DCLK2: variants seen among roughly 807,000 people sequenced by gnomAD.
DCLK2 encodes serine/threonine-protein kinase DCLK2.
In DCLK2, 31 loss-of-function variants were observed where a neutral mutation model predicts 78.4. That is an observed-to-expected ratio of 0.40 (90% CI 0.30 to 0.53). The LOEUF is 0.53. DCLK2 is among the 20% of genes least tolerant of loss of function. DCLK2 has a pLI of 0.61. For missense variants in DCLK2, 872 were observed against 973.7 expected, an observed-to-expected ratio of 0.90 and a Z score of 1.39; for synonymous variants, 407 against 374.9, an observed-to-expected ratio of 1.09 and a Z score of -0.99.
chr4:150,090,379 C>T (rs1009437200), intron 1 of DCLK2, among the ~76,000 whole-genome samples: 1 of 152,176 alleles, frequency 6.6e-6, no homozygotes, highest in Admixed American at 6.5e-5. Flanking sequence ...ACACTCCACT[C>T]CAGCCTGGGC....
rs1235793482 is a variant in DCLK2 at position 150,253,488 on chromosome 4, T to TTAC, written c.2074-2531_2074-2530insACT. On this transcript the variant is annotated intron_variant, in intron 15 of 15. Transcript: ENST00000296550. ...TTGTTTGACAGTTTGATTTGACAGTTTGAGAGGCACCTCAGAGTTTCCTTC... is the reference window on the plus strand; with the variant it reads ...TTGTTTGACAGTTTGATTTGACAGTTTACTGAGAGGCACCTCAGAGTTTCCTTC... The TTAC allele has an allele frequency of 9.3e-6, 12 of 1,289,666 alleles. No homozygotes were observed. The South Asian group carries it at 1.5e-4, about 16-fold the overall frequency. 79.9% of individuals were successfully genotyped at this position (1,289,666 alleles called of 1,614,324 possible). A position where few individuals can be genotyped will look rare whatever the true frequency, so the allele number is the denominator to read the frequency against.
At chr4:150,136,714 C>T (rs1733710380) in intron 2 of DCLK2, among the ~76,000 whole-genome samples, 1 of 152,072 alleles carries the variant, frequency 6.6e-6, no homozygotes, top group Non-Finnish European at 1.5e-5. Context: ...ATGTGGTTAG[C>T]AACTGGCAGA....
At position 150,148,861 on chromosome 4, in the gene DCLK2, C is replaced by T. The variant is rs1226583058; in HGVS notation, c.757-44277C>T. ...CAGCCTGGGTAACATGGTGAAACCC[C>T]GTTTCTACTAAAAATACAAAAATTA... is the stretch of plus-strand genomic sequence containing the variant. On this transcript the variant is annotated intron_variant, in intron 2 of 15. Transcript: ENST00000296550. Among the ~76,000 whole-genome samples, 6 of 151,074 alleles carry T rather than the reference C, an allele frequency of 4.0e-5. No individual in the cohort carries two copies. In the South Asian group the frequency reaches 8.4e-4, roughly 21 times the overall value.
At chr4:150,253,569 C>A in intron 15 of DCLK2, 1 of 1,289,646 alleles carries the variant, frequency 7.8e-7, no homozygotes, top group Non-Finnish European at 1.0e-6. Flanking sequence ...ATTCACCACG[C>A]TGCGTCCGAC....
At chr4:150,097,917 A>T (rs1182479445) in intron 1 of DCLK2, among the ~76,000 whole-genome samples, 1 of 152,208 alleles carries the variant, frequency 6.6e-6, no homozygotes, top group Non-Finnish European at 1.5e-5. Flanking sequence ...GAATATGGAT[A>T]TATGTATCTA....
intron 2 of DCLK2, among the ~76,000 whole-genome samples, chr4:150,156,483 A>AAAAATAAAT (rs1735277587): frequency 7.0e-6 from 1 of 143,102 alleles, no homozygotes; most frequent in South Asian, 2.4e-4. Flanking sequence ...CGTCTCTACC[A>AAAAATAAAT]AAATAAATAA....
chr4:150,112,706 T>A (rs1008961125), intron 2 of DCLK2, among the ~76,000 whole-genome samples: 19 of 152,174 alleles, frequency 1.2e-4, no homozygotes, highest in East Asian at 3.8e-4. Context: ...TATTTTTTTT[T>A]AATTCTGTTT....
chr4:150,082,478 A>T (rs988989114), intron 1 of DCLK2, among the ~76,000 whole-genome samples: 5 of 152,164 alleles, frequency 3.3e-5, no homozygotes, highest in Non-Finnish European at 7.3e-5. Flanking sequence ...TGACCTTGAG[A>T]GTCTCTGGAG....
intron 5 of DCLK2, among the ~76,000 whole-genome samples, chr4:150,217,164 G>A (rs1740783862): frequency 1.3e-5 from 2 of 152,180 alleles, no homozygotes; most frequent in South Asian, 4.1e-4. Context: ...CAGTAAGAGA[G>A]TAATTCATTT....
Position 150,256,446 on chromosome 4 carries a change from C to G in DCLK2, c.*199C>G, listed in dbSNP as rs960524061. 10 of 644,448 alleles carry G rather than the reference C, an allele frequency of 1.6e-5. No homozygotes were observed. In the African/African-American group the frequency reaches 1.9e-4, roughly 12 times the overall value. 39.9% of individuals were successfully genotyped at this position (644,448 alleles called of 1,614,324 possible). A position where few individuals can be genotyped will look rare whatever the true frequency, so the allele number is the denominator to read the frequency against. ...TGCTCTGGGCTCTGCCTTCTGGTTC[C>G]TGGAGGCATCAAAGGCTGCATCCGT... On this transcript the variant is annotated 3_prime_UTR_variant, in exon 16 of 16. Coordinates refer to ENST00000296550, the MANE Select transcript of DCLK2 (RefSeq NM_001040260.4).
intron 2 of DCLK2, chr4:150,175,407 G>C (rs1020063533): frequency 2.0e-5 from 3 of 151,636 alleles, no homozygotes; most frequent in Admixed American, 1.3e-4. Flanking sequence ...GTGGTCTCCA[G>C]ATTCAGGAGG....
chr4:150,188,334 G>A (rs1321847041), intron 2 of DCLK2, among the ~76,000 whole-genome samples: 4 of 152,120 alleles, frequency 2.6e-5, no homozygotes, highest in Non-Finnish European at 5.9e-5. Context: ...AATTAACCAA[G>A]TGTGGTGCCG....
chr4:150,150,533 A>G (rs1266223756), intron 2 of DCLK2, among the ~76,000 whole-genome samples: 1 of 152,240 alleles, frequency 6.6e-6, no homozygotes, highest in East Asian at 1.9e-4. Flanking sequence ...TATTAAAAGC[A>G]TTTAGCACTG....
At chr4:150,216,745 G>A (rs905862887) in intron 5 of DCLK2, among the ~76,000 whole-genome samples, 7 of 152,124 alleles carry the variant, frequency 4.6e-5, no homozygotes, top group Non-Finnish European at 1.0e-4. Flanking sequence ...TGGTGCAGGG[G>A]CACCAGATCC....
chr4:150,253,667 G>A, intron 15 of DCLK2: 1 of 1,245,112 alleles, frequency 8.0e-7, no homozygotes, highest in Non-Finnish European at 1.0e-6. Context: ...GCTTACTGGT[G>A]TGGGTCTTTT....
intron 1 of DCLK2, among the ~76,000 whole-genome samples, chr4:150,093,289 G>A (rs950055707): frequency 4.6e-5 from 7 of 152,206 alleles, no homozygotes; most frequent in African/African-American, 1.2e-4. Flanking sequence ...TAGACATCCT[G>A]TGTTCATGAA....
chr4:150,208,880 A>T (rs1740074729), intron 5 of DCLK2, among the ~76,000 whole-genome samples: 1 of 152,132 alleles, frequency 6.6e-6, no homozygotes, highest in Non-Finnish European at 1.5e-5. Context: ...TACTCAGTGG[A>T]GCTGAGTATT....
intron 1 of DCLK2, among the ~76,000 whole-genome samples, chr4:150,090,440 AAAC>A (rs1235839819): frequency 6.8e-6 from 1 of 147,116 alleles, no homozygotes; most frequent in Non-Finnish European, 1.5e-5. Context: ...AAACAAAACA[AAAC>A]AAAAAAACGC....
intron 12 of DCLK2, among the ~76,000 whole-genome samples, chr4:150,246,757 C>T (rs999954768): frequency 1.3e-5 from 2 of 152,154 alleles, no homozygotes; most frequent in Non-Finnish European, 2.9e-5. Context: ...TCCATGACAT[C>T]ATTCATGAGA....
Sources: gnomAD v4.1 joint callset for allele counts (sites outside exome capture counted in the v4.1 genomes callset) on GRCh38, gnomAD v4.1.1 for gene constraint, MANE v1.5 for transcripts, NCBI Gene and HGNC (gene_info 2026-07-23, HGNC 2026-07-21) for gene names.